The following PLCH1 variants were observed in gnomAD, a reference collection of about 807,000 sequenced individuals.
PLCH1 encodes the protein 1-phosphatidylinositol 4,5-bisphosphate phosphodiesterase eta-1.
In PLCH1, 60 loss-of-function variants were observed where a neutral mutation model predicts 126.7. That is an observed-to-expected ratio of 0.47 (90% CI 0.38 to 0.59). The LOEUF (loss-of-function observed/expected upper bound fraction) is 0.59. Ranked by LOEUF, PLCH1 falls within the 20% of genes least tolerant of loss-of-function variation. PLCH1 has a pLI of 0.00. For synonymous variants in PLCH1, 719 were observed against 734.9 expected (o/e 0.98, Z 0.35); for missense variants, 1,723 against 2,040.0 (o/e 0.84, Z 2.99).
chr3:155,637,446 TAAGGATGAGCAA>T (rs1318681438), intron 2 of PLCH1, among the ~76,000 whole-genome samples: 2 of 152,170 alleles, frequency 1.3e-5, no homozygotes, highest in Non-Finnish European at 2.9e-5. Context: ...AGAAAAGTCC[TAAGGATGAGCAA>T]AATAAAATGC....
At position 155,694,281 on chromosome 3, in the gene PLCH1, A is replaced by G. The variant is rs180826180; in HGVS notation, c.79+9865T>C. On this transcript the variant is annotated intron_variant, in intron 2 of 22. Transcript: ENST00000460012. ...CCATACCCTGGCCACACCCCAGACC[A>G]AAAAATCAGAGCCTCTGAGCTGGGA... 1.7e-3 allele frequency among the ~76,000 whole-genome samples: 259 copies of G among 152,306 alleles called. 2 individuals carry two copies. Among genetic ancestry groups the G allele is most frequent in the Middle Eastern group, 0.01 (3 of 294 alleles).
intron 1 of PLCH1, among the ~76,000 whole-genome samples, chr3:155,711,685 C>G (rs996358632): frequency 1.3e-5 from 2 of 152,172 alleles, no homozygotes; most frequent in Non-Finnish European, 2.9e-5. Flanking sequence ...CAGCTTCATC[C>G]TCTGATTCAG....
intron 10 of PLCH1, among the ~76,000 whole-genome samples, chr3:155,544,354 G>A (rs1724874286): frequency 9.2e-5 from 14 of 152,144 alleles, no homozygotes; most frequent in Admixed American, 9.2e-4. Flanking sequence ...AAATATATAT[G>A]CACCCAATAC....
At position 155,671,702 on chromosome 3, in the gene PLCH1, G is replaced by A. The variant is rs1743470913; in HGVS notation, c.79+32444C>T. Among the ~76,000 whole-genome samples the A allele has an allele frequency of 2.0e-5, 3 of 152,110 alleles. No individual in the cohort carries two copies. The South Asian group carries it at 6.2e-4, about 32-fold the overall frequency. On this transcript the variant is annotated intron_variant, in intron 2 of 22. Transcript: ENST00000460012. The stretch of plus-strand genomic sequence containing the variant: ...GTAAGTGAATTGTTAAAACTACAGG[G>A]ATAACCAATACAGTAACCAAAGAGG...
At chr3:155,586,533 C>T (rs1489136222) in intron 4 of PLCH1, among the ~76,000 whole-genome samples, 3 of 152,024 alleles carry the variant, frequency 2.0e-5, no homozygotes. Flanking sequence ...ATGGTGAAAC[C>T]CTGTCTCTAC....
intron 10 of PLCH1, among the ~76,000 whole-genome samples, chr3:155,543,672 A>G (rs1284905805): frequency 1.3e-5 from 2 of 152,168 alleles, no homozygotes; most frequent in Admixed American, 6.5e-5. Context: ...GAAGCCCATC[A>G]GACTAACAGC....
chr3:155,539,271 A>G (rs1044107371), intron 10 of PLCH1, among the ~76,000 whole-genome samples: 3 of 152,232 alleles, frequency 2.0e-5, no homozygotes, highest in Admixed American at 6.5e-5. Context: ...AATAAAAGCC[A>G]TCTATGACAA....
At chr3:155,615,833 C>T (rs755192686) in intron 2 of PLCH1, among the ~76,000 whole-genome samples, 1 of 152,076 alleles carries the variant, frequency 6.6e-6, no homozygotes, top group Admixed American at 6.6e-5. Context: ...GCTTGGGTGA[C>T]AGATGCACCA....
chr3:155,639,227 C>T (rs368155654), intron 2 of PLCH1, among the ~76,000 whole-genome samples: 1 of 152,048 alleles, frequency 6.6e-6, no homozygotes, highest in African/African-American at 2.4e-5. Flanking sequence ...GGGAGGCCAA[C>T]GCGGGAAGAT....
intron 2 of PLCH1, among the ~76,000 whole-genome samples, chr3:155,699,798 T>C (rs1746122657): frequency 7.3e-6 from 1 of 136,876 alleles, no homozygotes; most frequent in African/African-American, 3.0e-5. Flanking sequence ...GGTCTCTCCA[T>C]GGTCAGGAGA....
Position 155,488,115 on chromosome 3 carries a change from A to G in PLCH1, c.2540-8T>C, listed in dbSNP as rs370499774. 6.3e-7 allele frequency: 1 copy of G among 1,585,504 alleles called. No individual in the cohort carries two copies. On this transcript the variant is annotated splice_region_variant and splice_polypyrimidine_tract_variant and intron_variant, in intron 20 of 22. Transcript: ENST00000460012. ...AATAGACATGCCGGTAGCCTGATAA[A>G]AGGAAAGAGAGTCGTTTCTTTTTAG...
At chr3:155,554,497 T>C (rs1206659504) in intron 8 of PLCH1, among the ~76,000 whole-genome samples, 1 of 152,186 alleles carries the variant, frequency 6.6e-6, no homozygotes, top group East Asian at 1.9e-4. Flanking sequence ...TCCAGTCAAG[T>C]GTGCCCAAGG....
chr3:155,478,943 G>A (rs1327111395), downstream of PLCH1, among the ~76,000 whole-genome samples: 1 of 152,118 alleles, frequency 6.6e-6, no homozygotes, highest in Non-Finnish European at 1.5e-5. Context: ...ACAAATCACT[G>A]TACCTGGGAT....
At chr3:155,677,980 C>G (rs1391503973) in intron 2 of PLCH1, among the ~76,000 whole-genome samples, 1 of 152,238 alleles carries the variant, frequency 6.6e-6, no homozygotes, top group Non-Finnish European at 1.5e-5. Flanking sequence ...TGCCCAGAAC[C>G]AAACATGCCC....
At chr3:155,698,151 A>G (rs1266226274) in intron 2 of PLCH1, among the ~76,000 whole-genome samples, 1 of 152,250 alleles carries the variant, frequency 6.6e-6, no homozygotes, top group African/African-American at 2.4e-5. Flanking sequence ...ACAATGGGAC[A>G]AAGTATTTTC....
At chr3:155,488,869 G>A in intron 19 of PLCH1, 63 bp from the exon 20 acceptor site, 2 of 1,403,768 alleles carry the variant, frequency 1.4e-6, no homozygotes, top group South Asian at 2.6e-5. Flanking sequence ...TGAGTTGGCA[G>A]CAACATCTGC....
chr3:155,632,676 T>C (rs1262789779), intron 2 of PLCH1, among the ~76,000 whole-genome samples: 1 of 152,216 alleles, frequency 6.6e-6, no homozygotes, highest in African/African-American at 2.4e-5. Context: ...CATACAATTT[T>C]TCTAAATGGT....
At chr3:155,739,006 T>C (rs1749428589) in intron 1 of PLCH1, among the ~76,000 whole-genome samples, 1 of 152,162 alleles carries the variant, frequency 6.6e-6, no homozygotes, top group African/African-American at 2.4e-5. Flanking sequence ...CAGCCACCAA[T>C]TGGCTGTGTG....
In PLCH1 at chr3:155,647,404, A is replaced by G. The variant is rs976713599; in HGVS notation, c.80-51026T>C. On this transcript the variant is annotated intron_variant, in intron 2 of 22. Coordinates refer to ENST00000460012, the MANE Select transcript of PLCH1 (RefSeq NM_014996.4). ...TAAGAATGTTTCTGGGGACAGCACTATCAAGCAGAAGACACACTTCCTCAA... is the reference window on the plus strand; with the variant it reads ...TAAGAATGTTTCTGGGGACAGCACTGTCAAGCAGAAGACACACTTCCTCAA... Among the ~76,000 whole-genome samples, 15 of 151,792 alleles carry G rather than the reference A, an allele frequency of 9.9e-5. 1 individual carries two copies. Among genetic ancestry groups the G allele is most frequent in the African/African-American group, 3.4e-4 (14 of 41,442 alleles).
Sources: gnomAD v4.1 joint callset for allele counts (sites outside exome capture counted in the v4.1 genomes callset) on GRCh38, gnomAD v4.1.1 for gene constraint, MANE v1.5 for transcripts, NCBI Gene and HGNC (gene_info 2026-07-23, HGNC 2026-07-21) for gene names.